The following MIB1 variants were observed in gnomAD, a reference collection of about 807,000 sequenced individuals.
MIB1 encodes E3 ubiquitin-protein ligase MIB1.
A neutral mutation model predicts 124.5 loss-of-function variants in MIB1; 278 were observed. The ratio of observed to expected loss-of-function variants is 2.23; its 90% CI spans 2.02 to 2.47. MIB1 has a LOEUF of 2.47. Ranked by LOEUF, MIB1 falls within the 30% of genes most tolerant of loss-of-function variation. MIB1 has a pLI of 0.00. For missense variants in MIB1, 957 were observed against 1,254.4 expected, an observed-to-expected ratio of 0.76 and a Z score of 3.58; for synonymous variants, 446 against 429.4, an observed-to-expected ratio of 1.04 and a Z score of -0.48.
At chr18:21,726,013 G>A (rs1039622511) in intron 1 of MIB1, among the ~76,000 whole-genome samples, 7 of 152,222 alleles carry the variant, frequency 4.6e-5, no homozygotes, top group African/African-American at 1.7e-4. Context: ...CAAGTGTGGA[G>A]TGGTCATATG....
At chr18:21,732,032 T>TATAC (rs1568178214) in intron 1 of MIB1, among the ~76,000 whole-genome samples, 1 of 151,004 alleles carries the variant, frequency 6.6e-6, no homozygotes, top group Non-Finnish European at 1.5e-5. Context: ...TATATATATA[T>TATAC]ATACTTCTTG....
intron 1 of MIB1, among the ~76,000 whole-genome samples, chr18:21,731,507 G>T (rs1213455413): frequency 1.3e-5 from 2 of 152,080 alleles, no homozygotes; most frequent in Non-Finnish European, 2.9e-5. Context: ...GCCGAGGCGG[G>T]TGGATCACGA....
At chr18:21,825,845 A>T in intron 12 of MIB1, 1 of 439,672 alleles carries the variant, frequency 2.3e-6, no homozygotes, top group South Asian at 1.6e-5. Context: ...AATTACAGTC[A>T]TGGACCTTCT....
intron 12 of MIB1, among the ~76,000 whole-genome samples, chr18:21,820,213 G>A (rs2146479902): frequency 6.6e-6 from 1 of 152,216 alleles, no homozygotes; most frequent in East Asian, 1.9e-4. Context: ...CCACAGAATG[G>A]GAAAATGCTT....
intron 3 of MIB1, among the ~76,000 whole-genome samples, chr18:21,770,464 T>C (rs2041212209): frequency 6.6e-6 from 1 of 152,098 alleles, no homozygotes; most frequent in Admixed American, 6.6e-5. Context: ...GTTAATTGTA[T>C]GTAGTGTATT....
At chr18:21,735,758 G>A (rs1163976546) in intron 1 of MIB1, among the ~76,000 whole-genome samples, 1 of 152,152 alleles carries the variant, frequency 6.6e-6, no homozygotes, top group African/African-American at 2.4e-5. Flanking sequence ...CAAAGCTGCC[G>A]GAAGTTCGAA....
intron 6 of MIB1, among the ~76,000 whole-genome samples, chr18:21,783,997 C>T (rs1271287791): frequency 6.6e-6 from 1 of 151,504 alleles, no homozygotes; most frequent in Non-Finnish European, 1.5e-5. Flanking sequence ...CCTGCCTCAC[C>T]CTCCCACAAT....
At chr18:21,853,347 C>G (rs930400344) in intron 18 of MIB1, 129 bp downstream of exon 18, 6 of 638,206 alleles carry the variant, frequency 9.4e-6, no homozygotes, top group African/African-American at 9.2e-5. Context: ...GCCTCGAGTA[C>G]CTTCTATTTC....
At position 21,724,725 on chromosome 18, in the gene MIB1, AAAATATATATATATATATATAT is replaced by A. The variant is rs1298898022; in HGVS notation, n.167+19604_167+19625del. Among the ~76,000 whole-genome samples, 99 of 42,838 alleles carry A rather than the reference AAAATATATATATATATATATAT, an allele frequency of 2.3e-3. 2 individuals carry two copies. Among genetic ancestry groups the A allele is most frequent in the East Asian group, 0.018 (28 of 1,538 alleles). The allele number at this position is 42,838 out of a possible 152,430, so 28.1% of individuals were successfully genotyped here. ...GTCTCCCCCATCCAAAAAAAAAAAA[AAAATATATATATATATATATAT>A]ATATATATATATATATATATATATA... On this transcript the variant is annotated intron_variant and non_coding_transcript_variant, in intron 1 of 20. Coordinates refer to the MIB1 transcript ENST00000578646.
At chr18:21,835,785 ATAT>A (rs1432129473) in intron 12 of MIB1, among the ~76,000 whole-genome samples, 2 of 112,434 alleles carry the variant, frequency 1.8e-5, no homozygotes, top group African/African-American at 7.5e-5. Flanking sequence ...AAAAAAAAAA[ATAT>A]ATATATATAT....
At chr18:21,825,457 G>T in intron 12 of MIB1, 1 of 290,908 alleles carries the variant, frequency 3.4e-6, no homozygotes, top group South Asian at 2.7e-5. Flanking sequence ...TTTTCTGAAG[G>T]ATAAGAAATT....
intron 12 of MIB1, among the ~76,000 whole-genome samples, chr18:21,832,744 A>AAT (rs1262279122): frequency 6.6e-6 from 1 of 152,156 alleles, no homozygotes; most frequent in Admixed American, 6.5e-5. Context: ...TGGCATAAGG[A>AAT]ATACTTCTTT....
At chr18:21,853,440 T>G (rs1329179456) in intron 18 of MIB1, among the ~76,000 whole-genome samples, 3 of 152,206 alleles carry the variant, frequency 2.0e-5, no homozygotes, top group Non-Finnish European at 4.4e-5. Flanking sequence ...TCTGCCACCT[T>G]GGATTTTGAT....
At chr18:21,857,074 C>T (rs2042235475) in intron 18 of MIB1, 56 bp from the exon 19 acceptor site, 3 of 1,153,876 alleles carry the variant, frequency 2.6e-6, no homozygotes, top group South Asian at 2.5e-5. Context: ...CAGAGAAAGG[C>T]AACACTCCTA....
At chr18:21,781,133 C>T (rs758785444) in intron 6 of MIB1, among the ~76,000 whole-genome samples, 89 of 150,330 alleles carry the variant, frequency 5.9e-4, no homozygotes, top group African/African-American at 1.7e-3. Context: ...CCCAGGCTGG[C>T]GCTGAACCCC....
intron 7 of MIB1, chr18:21,794,254 C>G (rs1285606836): frequency 6.7e-6 from 1 of 149,832 alleles, no homozygotes; most frequent in African/African-American, 2.4e-5. Context: ...GGTGATATAA[C>G]TTAGGACATA....
At chr18:21,729,878 G>T (rs1028369951) in intron 1 of MIB1, among the ~76,000 whole-genome samples, 1 of 152,184 alleles carries the variant, frequency 6.6e-6, no homozygotes, top group Non-Finnish European at 1.5e-5. Context: ...TCACATTGGA[G>T]ATTAAGTGTC....
chr18:21,857,948 A>G lies in MIB1; in HGVS notation c.2780-598A>G, dbSNP rs544295234. 2.0e-3 allele frequency among the ~76,000 whole-genome samples: 311 copies of G among 152,370 alleles called. 5 individuals carry two copies. The highest frequency in any genetic ancestry group is 0.02 in the Middle Eastern group (6 of 294). The stretch of plus-strand genomic sequence containing the variant: ...ACAGAATAATAAAAATCTCAGGGAC[A>G]GATTAACTAGAATAAAAGACCAAGA... On this transcript the variant is annotated intron_variant, in intron 19 of 20. Transcript: ENST00000261537.
At chr18:21,856,395 A>C (rs2042228994) in intron 18 of MIB1, among the ~76,000 whole-genome samples, 1 of 152,204 alleles carries the variant, frequency 6.6e-6, no homozygotes, top group Non-Finnish European at 1.5e-5. Context: ...ATAGTCTTTT[A>C]TGAAAATTAA....
Sources: allele counts gnomAD v4.1 joint callset (sites outside exome capture counted in the v4.1 genomes callset), GRCh38; gene constraint gnomAD v4.1.1; transcripts MANE v1.5; gene names NCBI Gene and HGNC (gene_info 2026-07-23, HGNC 2026-07-21).